DKKL1: variants seen among roughly 807,000 people sequenced by gnomAD.
DKKL1 encodes the protein dickkopf-like protein 1.
In DKKL1, 11 loss-of-function variants were observed where a neutral mutation model predicts 16.5. The ratio of observed to expected loss-of-function variants is 0.67; its 90% CI spans 0.42 to 1.10. The LOEUF is 1.10. Among genes scored for constraint, DKKL1 ranks in the 50% least tolerant of loss-of-function variants. The pLI is 0.00. For synonymous variants in DKKL1, 119 were observed against 133.2 expected (o/e 0.89, Z 0.73); for missense variants, 320 against 308.1 (o/e 1.04, Z -0.29).
upstream of DKKL1, chr19:49,363,750 C>G (rs1488066758): frequency 5.1e-6 from 3 of 582,872 alleles, no homozygotes; most frequent in South Asian, 3.7e-5. Context: ...TGGGGCGTGG[C>G]TGTGTCACCA....
intron 1 of DKKL1, 118 bp downstream of exon 1, chr19:49,364,126 G>A: frequency 7.5e-7 from 1 of 1,330,376 alleles, no homozygotes; most frequent in Non-Finnish European, 1.0e-6. Context: ...CAGGTGGGCG[G>A]ATCGCTTGAG....
chr19:49,368,717 TTTAA>T (rs2146781532), intron 4 of DKKL1: 1 of 152,254 alleles, frequency 6.6e-6, no homozygotes, highest in African/African-American at 2.4e-5. Flanking sequence ...AAATAATATT[TTTAA>T]TTAACTTTTT....
intron 1 of DKKL1, 111 bp downstream of exon 1, chr19:49,364,119 G>A (rs1973144376): frequency 7.0e-7 from 1 of 1,437,906 alleles, no homozygotes; most frequent in East Asian, 2.4e-5. Flanking sequence ...GGAGGCCCAG[G>A]TGGGCGGATC....
chr19:49,360,800 G>GT (rs1555786387), upstream of DKKL1, among the ~76,000 whole-genome samples: 1 of 29,970 alleles, frequency 3.3e-5, no homozygotes, highest in East Asian at 7.8e-4. Flanking sequence ...AGACCAGCAA[G>GT]GGGGGGGGAC....
upstream of DKKL1, among the ~76,000 whole-genome samples, chr19:49,360,886 C>A (rs2146688127): frequency 8.9e-6 from 1 of 112,778 alleles, no homozygotes; most frequent in Admixed American, 1.1e-4. Context: ...GATAGAGACC[C>A]AGAGACAGAG....
chr19:49,365,668 C>T lies in DKKL1; in HGVS notation c.324+19C>T, dbSNP rs755538208. 8 of 1,605,480 alleles carry T rather than the reference C, an allele frequency of 5.0e-6. No homozygotes were observed. The highest frequency in any genetic ancestry group is 6.8e-6 in the Non-Finnish European group (8 of 1,174,394). On this transcript the variant is annotated intron_variant, in intron 3 of 4. Coordinates refer to ENST00000221498, the MANE Select transcript of DKKL1 (RefSeq NM_014419.4). ...CGACAAGGTGCCTATGCAGGGAAGC[C>T]CTTCCTGAAGTCCCCTTGGGATCCC... is the stretch of plus-strand genomic sequence containing the variant.
chr19:49,371,803 G>A (rs1288866879), intron 4 of DKKL1, among the ~76,000 whole-genome samples: 1 of 151,662 alleles, frequency 6.6e-6, no homozygotes, highest in African/African-American at 2.4e-5. Flanking sequence ...CCTGGTGTGT[G>A]ATGTTTCCCT....
Position 49,373,591 on chromosome 19 carries a change from T to C in DKKL1, c.418-1126T>C, listed in dbSNP as rs1433880855. Among the ~76,000 whole-genome samples, 3 of 152,090 alleles carry C rather than the reference T, an allele frequency of 2.0e-5. No homozygotes were observed. The East Asian group carries it at 5.9e-4, about 30-fold the overall frequency. ...TTCAAGTGATTCTCCTGCCTTAGCC[T>C]CCCAAGTAGCTGGGATTACATGAGC... On this transcript the variant is annotated intron_variant, in intron 4 of 4. Coordinates refer to ENST00000221498, the MANE Select transcript of DKKL1 (RefSeq NM_014419.4).
Position 49,374,713 on chromosome 19 carries a change from C to T in DKKL1, c.418-4C>T, listed in dbSNP as rs758183337. Reference sequence around the variant, plus strand: ...GAGAGGGTCTCCTTGTTCTTCCTCCCCAGGTACCCAGGATGGAGGAGAAGG... The same window carrying T: ...GAGAGGGTCTCCTTGTTCTTCCTCCTCAGGTACCCAGGATGGAGGAGAAGG... On this transcript the variant is annotated splice_region_variant and splice_polypyrimidine_tract_variant and intron_variant, in intron 4 of 4. Transcript: ENST00000221498. 1 of 1,520,224 alleles carries T rather than the reference C, an allele frequency of 6.6e-7. No homozygotes were observed. The highest frequency in any genetic ancestry group is 2.3e-5 in the East Asian group (1 of 43,562). 94.2% of individuals were successfully genotyped at this position (1,520,224 alleles called of 1,614,324 possible).
intron 1 of DKKL1, 128 bp downstream of exon 1, chr19:49,364,136 G>C: frequency 1.6e-6 from 2 of 1,278,508 alleles, no homozygotes; most frequent in Non-Finnish European, 2.2e-6. Flanking sequence ...GATCGCTTGA[G>C]ATCAGGAGTT....
intron 4 of DKKL1, among the ~76,000 whole-genome samples, chr19:49,366,990 G>A (rs1206942183): frequency 3.3e-5 from 5 of 151,522 alleles, no homozygotes; most frequent in Non-Finnish European, 7.4e-5. Context: ...TTATAGACAT[G>A]AGCCACCACA....
At chr19:49,367,019 T>TTTC (rs902430492) in intron 4 of DKKL1, among the ~76,000 whole-genome samples, 1 of 151,100 alleles carries the variant, frequency 6.6e-6, no homozygotes, top group Admixed American at 6.6e-5. Flanking sequence ...AAAATGTGAT[T>TTTC]TTCTTCTTCT....
intron 4 of DKKL1, among the ~76,000 whole-genome samples, chr19:49,373,281 C>A (rs1434322385): frequency 1.4e-5 from 2 of 144,924 alleles, no homozygotes; most frequent in Non-Finnish European, 3.0e-5. Context: ...CCAGCCTGGG[C>A]TACAGAGTGA....
chr19:49,363,750 CTG>C (rs1213116621), upstream of DKKL1: 8 of 582,872 alleles, frequency 1.4e-5, no homozygotes, highest in African/African-American at 1.3e-4. Flanking sequence ...TGGGGCGTGG[CTG>C]TGTCACCAAG....
chr19:49,373,168 T>A (rs1973571250), intron 4 of DKKL1, among the ~76,000 whole-genome samples: 1 of 151,890 alleles, frequency 6.6e-6, no homozygotes, highest in African/African-American at 2.4e-5. Context: ...GCTGGCATGG[T>A]GCCATGCCCC....
At chr19:49,370,665 C>T (rs556346226) in intron 4 of DKKL1, 5 of 152,210 alleles carry the variant, frequency 3.3e-5, no homozygotes, top group South Asian at 2.1e-4. Context: ...ATCTGAATGC[C>T]GACAAATGTG....
upstream of DKKL1, among the ~76,000 whole-genome samples, chr19:49,362,846 C>T (rs1393907161): frequency 6.6e-6 from 1 of 151,046 alleles, no homozygotes; most frequent in Non-Finnish European, 1.5e-5. Flanking sequence ...GGAAGTGATA[C>T]GAATACAAAG....
At chr19:49,362,216 GT>G (rs1199981963), upstream of DKKL1, 2 of 152,572 alleles carry the variant, frequency 1.3e-5, no homozygotes, top group African/African-American at 4.8e-5. Flanking sequence ...CTGAGGCTCG[GT>G]CACGGGAGCA....
At chr19:49,360,751 A>AG (rs372619339), upstream of DKKL1, among the ~76,000 whole-genome samples, 45 of 62,600 alleles carry the variant, frequency 7.2e-4, no homozygotes, top group Middle Eastern at 0.013. Context: ...AGACCCAGAG[A>AG]GGGAGGGGGA....
Sources: allele counts gnomAD v4.1 joint callset (sites outside exome capture counted in the v4.1 genomes callset), GRCh38; gene constraint gnomAD v4.1.1; transcripts MANE v1.5; gene names NCBI Gene and HGNC (gene_info 2026-07-23, HGNC 2026-07-21).